TMEM181: variants seen among roughly 807,000 people sequenced by gnomAD.
TMEM181 encodes the protein transmembrane protein 181.
A neutral mutation model predicts 71.9 loss-of-function variants in TMEM181; 39 were observed. The observed-to-expected ratio is 0.54, with a 90% CI of 0.42 to 0.71. The LOEUF (loss-of-function observed/expected upper bound fraction) is 0.71, where lower values mean the gene tolerates loss of function less well. TMEM181 is among the 30% of genes least tolerant of loss of function. The pLI, the probability that TMEM181 is intolerant of heterozygous loss-of-function variation, is 0.00. For synonymous variants in TMEM181, 245 were observed against 228.8 expected, an observed-to-expected ratio of 1.07 and a Z score of -0.64; for missense variants, 595 against 583.0, an observed-to-expected ratio of 1.02 and a Z score of -0.21.
At chr6:158,569,201 A>G (rs1782671222) in intron 1 of TMEM181, among the ~76,000 whole-genome samples, 1 of 152,230 alleles carries the variant, frequency 6.6e-6, no homozygotes, top group Non-Finnish European at 1.5e-5. Context: ...GGCATTGATC[A>G]TCACGCAGAA....
chr6:158,581,753 CAAAAAAAAA>C (rs10626721), intron 3 of TMEM181, among the ~76,000 whole-genome samples: 2 of 62,162 alleles, frequency 3.2e-5, no homozygotes, highest in Admixed American at 2.3e-4. Context: ...GACTCTGTCT[CAAAAAAAAA>C]AAAAAAAAAA....
In TMEM181 at chr6:158,560,107, G is replaced by A. The variant is rs984183694; in HGVS notation, c.-118G>A. ...CGCTCTGATGAGTTTTCCGCGGCCGGCCGCTGCTCAGCCGCTGTCGCTCCG... is the reference window on the plus strand; with the variant it reads ...CGCTCTGATGAGTTTTCCGCGGCCGACCGCTGCTCAGCCGCTGTCGCTCCG... On this transcript the variant is annotated 5_prime_UTR_variant, in exon 1 of 17. Transcript: ENST00000684151. The A allele has an allele frequency of 2.0e-6, 2 of 985,016 alleles. No homozygotes were observed. Among genetic ancestry groups the A allele is most frequent in the Non-Finnish European group, 2.4e-6 (2 of 829,798 alleles). 61.0% of individuals were successfully genotyped at this position (985,016 alleles called of 1,614,324 possible). A position where few individuals can be genotyped will look rare whatever the true frequency, so the allele number is the denominator to read the frequency against.
At chr6:158,545,199 C>G (rs776943806) in intron 1 of TMEM181, among the ~76,000 whole-genome samples, 1 of 152,262 alleles carries the variant, frequency 6.6e-6, no homozygotes, top group East Asian at 1.9e-4. Context: ...TTCTTCCTTA[C>G]CCCATGTTTA....
At chr6:158,599,376 T>G (rs566097654) in intron 6 of TMEM181, among the ~76,000 whole-genome samples, 1 of 152,172 alleles carries the variant, frequency 6.6e-6, no homozygotes, top group Non-Finnish European at 1.5e-5. Context: ...GCCTCGGCTC[T>G]GAAAGGACAA....
chr6:158,602,871 T>C (rs1474479241), intron 6 of TMEM181, among the ~76,000 whole-genome samples: 2 of 152,202 alleles, frequency 1.3e-5, no homozygotes, highest in Non-Finnish European at 1.5e-5. Context: ...TGTGAGCCAC[T>C]GCACCTGGCC....
rs2128334815 is a variant in TMEM181 at position 158,632,984 on chromosome 6, G to T, written c.*1096G>T. On this transcript the variant is annotated 3_prime_UTR_variant, in exon 17 of 17. Coordinates refer to ENST00000684151, the MANE Select transcript of TMEM181 (RefSeq NM_001376852.1). ...CTCAGGAGGCTGAGGTGGGAGGATT[G>T]CTTGAGCCCTGGAGGTCAAGGCTGC... 1 of 152,400 alleles carries T rather than the reference G, an allele frequency of 6.6e-6. No individual in the cohort carries two copies. The allele number at this position is 152,400 out of a possible 1,614,324, so 9.4% of individuals were successfully genotyped here.
In TMEM181 at chr6:158,571,375, C is replaced by CAT. The variant is rs1196802655; in HGVS notation, c.9-2045_9-2044insAT. On this transcript the variant is annotated intron_variant, in intron 1 of 16. Coordinates refer to ENST00000684151, the MANE Select transcript of TMEM181 (RefSeq NM_001376852.1). The stretch of plus-strand genomic sequence containing the variant: ...CCTCCCAAAGTGCTGGGATTATAGG[C>CAT]GTGATCTGCCCGCCTTGGCCTTGTG... 1.5e-3 allele frequency among the ~76,000 whole-genome samples: 192 copies of CAT among 131,084 alleles called. 31 individuals are homozygous for CAT. The highest frequency in any genetic ancestry group is 4.9e-3 in the African/African-American group (164 of 33,440). 86.0% of individuals were successfully genotyped at this position (131,084 alleles called of 152,430 possible).
At chr6:158,619,305 T>C (rs917984859) in intron 10 of TMEM181, among the ~76,000 whole-genome samples, 10 of 152,254 alleles carry the variant, frequency 6.6e-5, no homozygotes. Flanking sequence ...AGCTTGTGCA[T>C]GCGTCACGTA....
At chr6:158,624,351 C>T (rs115876790) in intron 11 of TMEM181, among the ~76,000 whole-genome samples, 20,332 of 152,196 alleles carry the variant, frequency 0.13, 1,507 homozygotes, top group Middle Eastern at 0.2. Context: ...AAAATGATCC[C>T]GATTCCTGCT....
intron 1 of TMEM181, among the ~76,000 whole-genome samples, chr6:158,549,816 G>A (rs1781661303): frequency 6.6e-6 from 1 of 152,172 alleles, no homozygotes; most frequent in Non-Finnish European, 1.5e-5. Context: ...AGTATTTTTT[G>A]TATGTAAGGT....
At chr6:158,623,643 T>C in intron 11 of TMEM181, 36 bp downstream of exon 11, 1 of 1,433,944 alleles carries the variant, frequency 7.0e-7, no homozygotes, top group Non-Finnish European at 9.6e-7. Flanking sequence ...ATTTTTCTTC[T>C]TAATGCTGTT....
chr6:158,605,443 G>A, intron 7 of TMEM181, 96 bp downstream of exon 7: 2 of 1,129,420 alleles, frequency 1.8e-6, no homozygotes, highest in Non-Finnish European at 2.7e-6. Context: ...CATGGAGATT[G>A]ATCTGAACTC....
chr6:158,599,251 G>A (rs368241850), intron 6 of TMEM181, among the ~76,000 whole-genome samples: 5 of 152,244 alleles, frequency 3.3e-5, no homozygotes, highest in African/African-American at 1.2e-4. Flanking sequence ...ACAAGGTTGT[G>A]CTCAGCAGAT....
At chr6:158,592,918 TA>T (rs547729473) in intron 6 of TMEM181, among the ~76,000 whole-genome samples, 21 of 151,758 alleles carry the variant, frequency 1.4e-4, no homozygotes, top group South Asian at 6.3e-4. Flanking sequence ...AGACCCTGTC[TA>T]AAAAAAATGC....
intron 1 of TMEM181, among the ~76,000 whole-genome samples, chr6:158,542,260 A>G (rs1781382061): frequency 6.6e-6 from 1 of 152,144 alleles, no homozygotes; most frequent in African/African-American, 2.4e-5. Context: ...AATCTCACGT[A>G]TAGTATTGGG....
In TMEM181 at chr6:158,571,534, G is replaced by C. The variant is rs533688698; in HGVS notation, c.9-1886G>C. ...AGGATGGTCTCAATCTCCTGACCTC[G>C]TGATCCGCCCGCCTTGGCCTCCCAA... is the stretch of plus-strand genomic sequence containing the variant. On this transcript the variant is annotated intron_variant, in intron 1 of 16. Coordinates refer to ENST00000684151, the MANE Select transcript of TMEM181 (RefSeq NM_001376852.1). 2.0e-5 allele frequency among the ~76,000 whole-genome samples: 3 copies of C among 150,226 alleles called. 1 individual carries two copies. Among genetic ancestry groups the C allele is most frequent in the Admixed American group, 6.7e-5 (1 of 15,010 alleles).
In TMEM181 at chr6:158,629,814, T is replaced by A. The variant is rs755585823; in HGVS notation, c.1277T>A (p.Leu426His). 5.0e-6 allele frequency: 8 copies of A among 1,613,708 alleles called. No individual in the cohort carries two copies. Residue 426 changes from leucine to histidine, a missense_variant, in exon 15 of 17, where the codon CTC becomes CAC. Coordinates refer to ENST00000684151, the MANE Select transcript of TMEM181 (RefSeq NM_001376852.1). ...AFVYSPSKNA[L>H]YESQLKDNPA... Reference sequence around the variant, plus strand: ...GTATATTCTCCATCGAAGAATGCCCTCTATGGTAAGCCACCCTGGGGTCTG... The same window carrying A: ...GTATATTCTCCATCGAAGAATGCCCACTATGGTAAGCCACCCTGGGGTCTG...
intron 6 of TMEM181, among the ~76,000 whole-genome samples, chr6:158,603,403 C>CT (rs1784778172): frequency 6.6e-6 from 1 of 152,140 alleles, no homozygotes; most frequent in African/African-American, 2.4e-5. Flanking sequence ...CTGTGAGAAT[C>CT]TAATGCCCTG....
intron 10 of TMEM181, among the ~76,000 whole-genome samples, chr6:158,617,342 T>C (rs1403068957): frequency 6.6e-6 from 1 of 152,202 alleles, no homozygotes; most frequent in Non-Finnish European, 1.5e-5. Context: ...CCCTTCATCA[T>C]TTTTTATTGC....
Sources: gnomAD v4.1 joint callset for allele counts (sites outside exome capture counted in the v4.1 genomes callset) on GRCh38, gnomAD v4.1.1 for gene constraint, MANE v1.5 for transcripts, NCBI Gene and HGNC (gene_info 2026-07-23, HGNC 2026-07-21) for gene names.